Variants in GPC5 observed in about 807,000 individuals in gnomAD.
GPC5 encodes the protein glypican-5.
A neutral mutation model predicts 53.9 loss-of-function variants in GPC5; 47 were observed. The ratio of observed to expected loss-of-function variants is 0.87; its 90% CI spans 0.69 to 1.11. The LOEUF (loss-of-function observed/expected upper bound fraction) is 1.11. GPC5 is among the 50% of genes most tolerant of loss of function. The probability of loss-of-function intolerance (pLI) is 0.00; values close to 1 mark genes in which losing one functional copy is unlikely to be tolerated. For missense variants in GPC5, 748 were observed against 713.1 expected (o/e 1.05, Z -0.56); for synonymous variants, 286 against 263.3 (o/e 1.09, Z -0.84).
At chr13:91,448,990 T>C in intron 2 of GPC5, 68 bp downstream of exon 2, 2 of 1,484,290 alleles carry the variant, frequency 1.3e-6, no homozygotes, top group Non-Finnish European at 1.8e-6. Flanking sequence ...GATAGTTACG[T>C]TGGCAAACTT....
chr13:92,356,693 G>A (rs1386163268), intron 7 of GPC5, among the ~76,000 whole-genome samples: 1 of 152,118 alleles, frequency 6.6e-6, no homozygotes, highest in African/African-American at 2.4e-5. Context: ...AAAAAAGAGT[G>A]GACCAATTTT....
intron 5 of GPC5, among the ~76,000 whole-genome samples, chr13:91,840,951 A>G (rs2038779768): frequency 6.6e-6 from 1 of 152,002 alleles, no homozygotes; most frequent in Non-Finnish European, 1.5e-5. Flanking sequence ...TCATCTCATA[A>G]CTGTGGATAT....
intron 6 of GPC5, among the ~76,000 whole-genome samples, chr13:92,041,509 C>T (rs1202759708): frequency 6.6e-6 from 1 of 152,148 alleles, no homozygotes; most frequent in African/African-American, 2.4e-5. Context: ...TCAACTTTAA[C>T]CCAGGGGTGT....
intron 6 of GPC5, among the ~76,000 whole-genome samples, chr13:91,993,347 A>G (rs1227438505): frequency 6.6e-6 from 1 of 152,030 alleles, no homozygotes; most frequent in East Asian, 1.9e-4. Context: ...ATAACTTGAA[A>G]CTGCGTATAC....
intron 5 of GPC5, among the ~76,000 whole-genome samples, chr13:91,884,696 G>A (rs574145850): frequency 2.6e-5 from 4 of 152,300 alleles, no homozygotes; most frequent in Non-Finnish European, 4.4e-5. Context: ...CAGTTAAGAG[G>A]CCTTTGCAAT....
At chr13:92,562,980 C>T (rs1346247129) in intron 7 of GPC5, among the ~76,000 whole-genome samples, 1 of 151,906 alleles carries the variant, frequency 6.6e-6, no homozygotes, top group Non-Finnish European at 1.5e-5. Context: ...CACTGATGAC[C>T]AACTCAATAG....
rs1291535247 is a variant in GPC5, at chr13:92,606,226, ACCCCTT to A, written c.1562-260055_1562-260050del. On this transcript the variant is annotated intron_variant, in intron 7 of 7. Coordinates refer to ENST00000377067, the MANE Select transcript of GPC5 (RefSeq NM_004466.6). ...TACATTAGGTATTTCTCCTAATGCTACCCCTTTCCCTTCCCCCAACTCCACGACAGG... is the reference window on the plus strand; with the variant it reads ...TACATTAGGTATTTCTCCTAATGCTATCCCTTCCCCCAACTCCACGACAGG... Among the ~76,000 whole-genome samples, 27 of 152,104 alleles carry A rather than the reference ACCCCTT, an allele frequency of 1.8e-4. 1 individual carries two copies. Among genetic ancestry groups the A allele is most frequent in the African/African-American group, 6.3e-4 (26 of 41,502 alleles).
At chr13:92,246,184 A>G (rs1418699184) in intron 7 of GPC5, among the ~76,000 whole-genome samples, 1 of 152,130 alleles carries the variant, frequency 6.6e-6, no homozygotes, top group Non-Finnish European at 1.5e-5. Flanking sequence ...GCAACATAGG[A>G]AAGTCAAATT....
chr13:92,531,838 G>A (rs1467530948), intron 7 of GPC5, among the ~76,000 whole-genome samples: 1 of 152,162 alleles, frequency 6.6e-6, no homozygotes, highest in Non-Finnish European at 1.5e-5. Flanking sequence ...CATGAATTAT[G>A]TTGTCCTAAG....
chr13:92,363,718 A>G (rs1346910982), intron 7 of GPC5, among the ~76,000 whole-genome samples: 1 of 151,792 alleles, frequency 6.6e-6, no homozygotes, highest in Non-Finnish European at 1.5e-5. Context: ...TTGAAACATC[A>G]CTTGATTTTG....
Position 91,411,422 on chromosome 13 carries a change from T to C in GPC5, c.163+12213T>C, listed in dbSNP as rs1290933088. Among the ~76,000 whole-genome samples, 8 of 152,198 alleles carry C rather than the reference T, an allele frequency of 5.3e-5. 1 individual carries two copies. In the South Asian group the frequency reaches 8.3e-4, roughly 16 times the overall value. ...TGGAGTGTGCTGGCAAATCTCTGTC[T>C]GCCCCTTCAGAAGGCCTCTCCACCC... On this transcript the variant is annotated intron_variant, in intron 1 of 7. Transcript: ENST00000377067.
intron 2 of GPC5, among the ~76,000 whole-genome samples, chr13:91,582,750 C>A (rs954354048): frequency 2.0e-5 from 3 of 152,114 alleles, no homozygotes; most frequent in African/African-American, 7.2e-5. Flanking sequence ...CGGTGGTTCA[C>A]GCCTGTAATC....
intron 5 of GPC5, among the ~76,000 whole-genome samples, chr13:91,897,668 A>G (rs2039457333): frequency 6.6e-6 from 1 of 152,218 alleles, no homozygotes; most frequent in South Asian, 2.1e-4. Flanking sequence ...CTATAAAAAT[A>G]TGCACATTTG....
chr13:92,356,076 A>G (rs919478432), intron 7 of GPC5, among the ~76,000 whole-genome samples: 1 of 152,064 alleles, frequency 6.6e-6, no homozygotes, highest in African/African-American at 2.4e-5. Flanking sequence ...TTTCTCTCAC[A>G]GGGGATAACT....
At chr13:92,174,452 G>A (rs763571842) in intron 7 of GPC5, among the ~76,000 whole-genome samples, 7 of 151,026 alleles carry the variant, frequency 4.6e-5, no homozygotes, top group Non-Finnish European at 3.0e-5. Context: ...GGAGAACCGC[G>A]TGAACCCGGG....
At chr13:92,698,156 TTTTC>T (rs1262725119) in intron 7 of GPC5, among the ~76,000 whole-genome samples, 1 of 152,064 alleles carries the variant, frequency 6.6e-6, no homozygotes, top group African/African-American at 2.4e-5. Context: ...TGGCCTGAAA[TTTTC>T]TTTTTTTCTT....
intron 7 of GPC5, among the ~76,000 whole-genome samples, chr13:92,846,015 C>G (rs535743101): frequency 6.6e-6 from 1 of 152,044 alleles, no homozygotes. Context: ...TCAGTCCGTT[C>G]TCACACTGCT....
chr13:91,886,205 G>A (rs939850245), intron 5 of GPC5, among the ~76,000 whole-genome samples: 6 of 152,080 alleles, frequency 3.9e-5, no homozygotes, highest in South Asian at 2.1e-4. Context: ...ACATGGTGGC[G>A]GGCAAGAGAG....
chr13:91,775,904 C>T (rs73609164), intron 5 of GPC5, among the ~76,000 whole-genome samples: 3,235 of 152,208 alleles, frequency 0.021, 108 homozygotes, highest in African/African-American at 0.073. Flanking sequence ...GAAGAATCAT[C>T]CATATGTTAG....
Sources: gnomAD v4.1 joint callset for allele counts (sites outside exome capture counted in the v4.1 genomes callset) on GRCh38, gnomAD v4.1.1 for gene constraint, MANE v1.5 for transcripts, NCBI Gene and HGNC (gene_info 2026-07-23, HGNC 2026-07-21) for gene names.